Variants in KCTD16 observed in about 807,000 individuals in gnomAD.
KCTD16 encodes the protein potassium channel tetramerization domain containing 16.
A neutral mutation model predicts 33.2 loss-of-function variants in KCTD16; 13 were observed. The observed-to-expected ratio is 0.39, with a 90% CI of 0.25 to 0.62. The LOEUF (loss-of-function observed/expected upper bound fraction) is 0.62, where lower values mean the gene tolerates loss of function less well. Ranked by LOEUF, KCTD16 falls within the 20% of genes least tolerant of loss-of-function variation. The probability of loss-of-function intolerance (pLI) is 0.50; values close to 1 mark genes in which losing one functional copy is unlikely to be tolerated. For missense variants in KCTD16, 441 were observed against 525.1 expected (o/e 0.84, Z 1.57); for synonymous variants, 197 against 195.3 (o/e 1.01, Z -0.07).
chr5:144,240,932 G>A (rs893696596), intron 3 of KCTD16, among the ~76,000 whole-genome samples: 15 of 152,106 alleles, frequency 9.9e-5, no homozygotes, highest in Non-Finnish European at 2.2e-4. Flanking sequence ...AGATTGTTTA[G>A]GCTGGTGAGG....
chr5:144,260,865 C>T (rs1180408848), intron 3 of KCTD16, among the ~76,000 whole-genome samples: 1 of 151,498 alleles, frequency 6.6e-6, no homozygotes, highest in Non-Finnish European at 1.5e-5. Flanking sequence ...TAATTTTTTT[C>T]TGTTATATTG....
chr5:144,379,194 T>C (rs1752157884), intron 3 of KCTD16, among the ~76,000 whole-genome samples: 1 of 152,154 alleles, frequency 6.6e-6, no homozygotes, highest in Non-Finnish European at 1.5e-5. Context: ...GGTTTTCCCA[T>C]TTTTATGCCT....
intron 3 of KCTD16, among the ~76,000 whole-genome samples, chr5:144,385,860 TGGCCTAACAG>T (rs1752311965): frequency 6.6e-6 from 1 of 152,158 alleles, no homozygotes; most frequent in African/African-American, 2.4e-5. Flanking sequence ...ACTTCCTTTT[TGGCCTAACAG>T]GACCTAATAT....
intron 3 of KCTD16, among the ~76,000 whole-genome samples, chr5:144,372,075 G>A (rs1751979657): frequency 6.6e-6 from 1 of 152,120 alleles, no homozygotes; most frequent in Admixed American, 6.6e-5. Flanking sequence ...CAAACAGGAA[G>A]GGTCGGGAGG....
rs1223071124 is a variant in KCTD16, at chr5:144,481,987, A to G, written c.*7873A>G. 1 of 151,908 alleles carries G rather than the reference A, an allele frequency of 6.6e-6. No homozygotes were observed. The highest frequency in any genetic ancestry group is 1.5e-5 in the Non-Finnish European group (1 of 67,908). The allele number at this position is 151,908 out of a possible 1,614,324, so 9.4% of individuals were successfully genotyped here. ...TAAGCCCTACCACTATCCTCTCTTT[A>G]CAGATGAGGTCAGTGAGGCTCAGAA... On this transcript the variant is annotated 3_prime_UTR_variant, in exon 4 of 4. Coordinates refer to ENST00000512467, the MANE Select transcript of KCTD16 (RefSeq NM_020768.4).
At chr5:144,184,755 C>A (rs1041580161) in intron 2 of KCTD16, among the ~76,000 whole-genome samples, 5 of 152,106 alleles carry the variant, frequency 3.3e-5, no homozygotes, top group Admixed American at 1.3e-4. Flanking sequence ...ATTTGCATTT[C>A]CCTGATGATT....
At chr5:144,207,579 T>C (rs1753226923) in intron 3 of KCTD16, 33 bp downstream of exon 3, 1 of 1,452,064 alleles carries the variant, frequency 6.9e-7, no homozygotes, top group Non-Finnish European at 9.6e-7. Context: ...ATTTTTTATG[T>C]GTGTCAATGC....
intron 3 of KCTD16, among the ~76,000 whole-genome samples, chr5:144,460,632 G>A (rs1394388087): frequency 6.6e-6 from 1 of 152,070 alleles, no homozygotes; most frequent in African/African-American, 2.4e-5. Context: ...AGTAGAGATG[G>A]GGTTTCACCA....
At chr5:144,287,499 A>G (rs1199873893) in intron 3 of KCTD16, among the ~76,000 whole-genome samples, 1 of 152,196 alleles carries the variant, frequency 6.6e-6, no homozygotes, top group African/African-American at 2.4e-5. Flanking sequence ...TCAGTAAGTA[A>G]TCCATCCAAG....
intron 3 of KCTD16, among the ~76,000 whole-genome samples, chr5:144,464,009 T>C (rs569266675): frequency 9.0e-4 from 137 of 152,364 alleles, no homozygotes; most frequent in African/African-American, 3.1e-3. Context: ...CTAAATTTTG[T>C]CAGTCTTCCT....
At chr5:144,378,466 C>T (rs1006664546) in intron 3 of KCTD16, among the ~76,000 whole-genome samples, 5 of 152,082 alleles carry the variant, frequency 3.3e-5, no homozygotes, top group African/African-American at 4.8e-5. Flanking sequence ...ACTGAAATGT[C>T]GTATCTAGCT....
chr5:144,339,934 T>C (rs1752585503), intron 3 of KCTD16, among the ~76,000 whole-genome samples: 1 of 152,146 alleles, frequency 6.6e-6, no homozygotes, highest in Admixed American at 6.5e-5. Context: ...GTGAGTAATA[T>C]AGTGCTTGTC....
intron 3 of KCTD16, among the ~76,000 whole-genome samples, chr5:144,469,337 A>G (rs1365878912): frequency 1.3e-5 from 2 of 152,202 alleles, no homozygotes; most frequent in African/African-American, 4.8e-5. Context: ...TGAGGCAGAC[A>G]TTACTAACTA....
At chr5:144,421,528 T>C (rs1180107260) in intron 3 of KCTD16, among the ~76,000 whole-genome samples, 3 of 152,138 alleles carry the variant, frequency 2.0e-5, no homozygotes, top group Non-Finnish European at 4.4e-5. Context: ...TCCATCTGGT[T>C]CCTTGGACTC....
At chr5:144,230,760 A>T (rs1379489404) in intron 3 of KCTD16, among the ~76,000 whole-genome samples, 1 of 152,216 alleles carries the variant, frequency 6.6e-6, no homozygotes, top group Admixed American at 6.5e-5. Flanking sequence ...ATTAGGAAAA[A>T]GTAGAAGAGA....
chr5:144,362,229 C>G (rs1751730341), intron 3 of KCTD16, among the ~76,000 whole-genome samples: 2 of 152,092 alleles, frequency 1.3e-5, no homozygotes, highest in African/African-American at 4.8e-5. Context: ...GCCCAGTAGG[C>G]AAAGTTGATA....
At chr5:144,323,769 A>G (rs981661634) in intron 3 of KCTD16, among the ~76,000 whole-genome samples, 4 of 152,176 alleles carry the variant, frequency 2.6e-5, no homozygotes, top group African/African-American at 9.7e-5. Context: ...TCTTCCAAAT[A>G]CTATCAATTT....
chr5:144,249,131 C>T (rs1466381001), intron 3 of KCTD16, among the ~76,000 whole-genome samples: 10 of 152,164 alleles, frequency 6.6e-5, no homozygotes, highest in Non-Finnish European at 1.5e-4. Flanking sequence ...TTGCAACACC[C>T]TCGTCTTCAT....
At chr5:144,361,741 A>G (rs570023057) in intron 3 of KCTD16, among the ~76,000 whole-genome samples, 4 of 152,286 alleles carry the variant, frequency 2.6e-5, no homozygotes, top group Admixed American at 6.5e-5. Flanking sequence ...TAGAAATCTC[A>G]TTATGGATAC....
Sources: gnomAD v4.1 joint callset for allele counts (sites outside exome capture counted in the v4.1 genomes callset) on GRCh38, gnomAD v4.1.1 for gene constraint, MANE v1.5 for transcripts, NCBI Gene and HGNC (gene_info 2026-07-23, HGNC 2026-07-21) for gene names.